IMPG1: variants seen among roughly 807,000 people sequenced by gnomAD.
IMPG1 encodes the protein interphotoreceptor matrix proteoglycan of 150 kDa.
A neutral mutation model predicts 92.0 loss-of-function variants in IMPG1; 85 were observed. The ratio of observed to expected loss-of-function variants is 0.92; its 90% CI spans 0.78 to 1.11. The LOEUF is 1.11. Ranked by LOEUF, IMPG1 falls within the 50% of genes least tolerant of loss-of-function variation. IMPG1 has a pLI of 0.00. For missense variants in IMPG1, 1,022 were observed against 956.0 expected, an observed-to-expected ratio of 1.07 and a Z score of -0.91; for synonymous variants, 367 against 334.1, an observed-to-expected ratio of 1.10 and a Z score of -1.08.
intron 14 of IMPG1, among the ~76,000 whole-genome samples, chr6:75,939,046 C>T (rs929091936): frequency 6.6e-6 from 1 of 152,030 alleles, no homozygotes; most frequent in African/African-American, 2.4e-5. Flanking sequence ...ATCATGTTGC[C>T]CAGGCTGGTC....
At chr6:75,987,435 C>T (rs919189698) in intron 12 of IMPG1, among the ~76,000 whole-genome samples, 6 of 151,260 alleles carry the variant, frequency 4.0e-5, no homozygotes, top group Non-Finnish European at 8.8e-5. Flanking sequence ...GGTATATCTA[C>T]TAATGCTGTC....
chr6:75,959,931 G>A (rs552624758), intron 12 of IMPG1, among the ~76,000 whole-genome samples: 3 of 152,158 alleles, frequency 2.0e-5, no homozygotes, highest in Non-Finnish European at 4.4e-5. Flanking sequence ...AACTCTTGCA[G>A]CTAGCTCAGT....
Position 75,924,553 on chromosome 6 carries a change from AATATAATTATAT to A in IMPG1, c.2244-859_2244-848del, listed in dbSNP as rs1438943793. 1.2e-3 allele frequency among the ~76,000 whole-genome samples: 44 copies of A among 35,802 alleles called. 2 individuals carry two copies. Among genetic ancestry groups the A allele is most frequent in the Admixed American group, 2.2e-3 (4 of 1,816 alleles). The allele number at this position is 35,802 out of a possible 152,430, so 23.5% of individuals were successfully genotyped here. ...TATAATATAATTATATAATATAATT[AATATAATTATAT>A]ATTATATATAATTAATATAATTATA... is the stretch of plus-strand genomic sequence containing the variant. On this transcript the variant is annotated intron_variant, in intron 15 of 16. Coordinates refer to ENST00000369950, the MANE Select transcript of IMPG1 (RefSeq NM_001563.4).
rs11969557 is a variant in IMPG1, at chr6:76,046,320, G to A, written c.68-4194C>T. 8.9e-3 allele frequency among the ~76,000 whole-genome samples: 1,353 copies of A among 152,002 alleles called. 19 individuals carry two copies. Among genetic ancestry groups the A allele is most frequent in the African/African-American group, 0.03 (1,257 of 41,488 alleles). ...TATGAATTAAGAAAAAAATATAATT[G>A]TACTATTTTAAATTATAGATTAAAC... is the stretch of plus-strand genomic sequence containing the variant. On this transcript the variant is annotated intron_variant, in intron 1 of 16. Transcript: ENST00000369950.
Position 75,968,977 on chromosome 6 carries a change from C to T in IMPG1, c.1292-17883G>A, listed in dbSNP as rs368755979. 3.7e-4 allele frequency among the ~76,000 whole-genome samples: 57 copies of T among 152,190 alleles called. 1 individual carries two copies. Among genetic ancestry groups the T allele is most frequent in the African/African-American group, 1.3e-3 (53 of 41,510 alleles). ...AAGAAAATGTGGTATATATACATAACAGAATGCTTAAAAAAGAAGAAAATT... is the reference window on the plus strand; with the variant it reads ...AAGAAAATGTGGTATATATACATAATAGAATGCTTAAAAAAGAAGAAAATT... On this transcript the variant is annotated intron_variant, in intron 12 of 16. Coordinates refer to ENST00000369950, the MANE Select transcript of IMPG1 (RefSeq NM_001563.4).
chr6:76,015,618 C>T (rs535365315), intron 7 of IMPG1, among the ~76,000 whole-genome samples: 11 of 151,782 alleles, frequency 7.2e-5, no homozygotes, highest in Admixed American at 4.6e-4. Flanking sequence ...TTGATCAACA[C>T]GGTGAACTCC....
intron 9 of IMPG1, 60 bp downstream of exon 9, chr6:76,007,420 G>T: frequency 8.1e-7 from 1 of 1,232,510 alleles, no homozygotes. Flanking sequence ...TGCAAAATCA[G>T]TATATAAATT....
At chr6:76,014,299 GAA>G (rs1392581406) in intron 7 of IMPG1, among the ~76,000 whole-genome samples, 1 of 152,188 alleles carries the variant, frequency 6.6e-6, no homozygotes, top group Non-Finnish European at 1.5e-5. Flanking sequence ...ATGGAGCCTG[GAA>G]AGAGCAGAGC....
chr6:76,050,162 G>A (rs1227095409), intron 1 of IMPG1, among the ~76,000 whole-genome samples: 2 of 152,212 alleles, frequency 1.3e-5, no homozygotes, highest in East Asian at 1.9e-4. Context: ...GGTTTGGGCC[G>A]GGCACAGTGG....
intron 12 of IMPG1, among the ~76,000 whole-genome samples, chr6:75,974,318 CCTCTTTCTTTCCCTTT>C (rs1211729069): frequency 8.0e-6 from 1 of 125,730 alleles, no homozygotes; most frequent in Non-Finnish European, 1.7e-5. Context: ...TCTTTCTTTC[CCTCTTTCTTTCCCTTT>C]CTTTCTTTCT....
At chr6:76,040,037 C>T (rs920972093) in intron 2 of IMPG1, among the ~76,000 whole-genome samples, 9 of 152,198 alleles carry the variant, frequency 5.9e-5, no homozygotes, top group African/African-American at 1.7e-4. Flanking sequence ...CAGAGGAAAA[C>T]CGCTTTGTAG....
intron 1 of IMPG1, among the ~76,000 whole-genome samples, chr6:76,044,531 C>T (rs1236526633): frequency 6.6e-6 from 1 of 152,296 alleles, no homozygotes; most frequent in East Asian, 1.9e-4. Flanking sequence ...GGGGCTGGTC[C>T]TGTTCTTACT....
intron 14 of IMPG1, among the ~76,000 whole-genome samples, chr6:75,943,998 C>T (rs998406092): frequency 6.6e-6 from 1 of 152,174 alleles, no homozygotes; most frequent in African/African-American, 2.4e-5. Context: ...TTCCTTTGGG[C>T]AGGGATGGAT....
At chr6:76,068,547 C>T (rs773433546) in intron 1 of IMPG1, among the ~76,000 whole-genome samples, 21 of 109,436 alleles carry the variant, frequency 1.9e-4, no homozygotes, top group Non-Finnish European at 3.2e-4. Flanking sequence ...CAGAGTCTTT[C>T]CCTGTTACCC....
At chr6:76,068,796 C>T (rs1226433191) in intron 1 of IMPG1, among the ~76,000 whole-genome samples, 5 of 151,884 alleles carry the variant, frequency 3.3e-5, no homozygotes, top group South Asian at 2.1e-4. Flanking sequence ...GGATTACAAG[C>T]GTGAGCCAAC....
chr6:75,965,221 A>C (rs1782286880), intron 12 of IMPG1, among the ~76,000 whole-genome samples: 1 of 152,196 alleles, frequency 6.6e-6, no homozygotes, highest in Non-Finnish European at 1.5e-5. Flanking sequence ...CTCAAGAATG[A>C]AATAGCTTGC....
At chr6:75,923,838 T>C in intron 15 of IMPG1, 132 bp from the exon 16 acceptor site, 1 of 577,516 alleles carries the variant, frequency 1.7e-6, no homozygotes, top group Admixed American at 3.6e-5. Context: ...TGCAGGTGTC[T>C]TCCGTTTGAG....
chr6:76,071,140 G>T lies in IMPG1; in HGVS notation c.67+1282C>A, dbSNP rs566670476. Among the ~76,000 whole-genome samples the T allele has an allele frequency of 1.1e-4, 16 of 147,606 alleles. No homozygotes were observed. In the East Asian group the frequency reaches 3.1e-3, roughly 29 times the overall value. The stretch of plus-strand genomic sequence containing the variant: ...AATTATATGTATATGTAATACATTA[G>T]AATTATAATTATATGACATATAATT... On this transcript the variant is annotated intron_variant, in intron 1 of 16. Coordinates refer to ENST00000369950, the MANE Select transcript of IMPG1 (RefSeq NM_001563.4).
chr6:76,004,018 C>T (rs1783047044), intron 10 of IMPG1, 68 bp from the exon 11 acceptor site: 2 of 1,200,736 alleles, frequency 1.7e-6, no homozygotes, highest in South Asian at 2.6e-5. Context: ...GACAATAAAA[C>T]AGTCCAGGTT....
Sources: gnomAD v4.1 joint callset for allele counts (sites outside exome capture counted in the v4.1 genomes callset) on GRCh38, gnomAD v4.1.1 for gene constraint, MANE v1.5 for transcripts, NCBI Gene and HGNC (gene_info 2026-07-23, HGNC 2026-07-21) for gene names.